Variants in SP140 observed in about 807,000 individuals in gnomAD.
SP140 encodes the protein SP140 nuclear body protein.
A neutral mutation model predicts 125.0 loss-of-function variants in SP140; 81 were observed. That is an observed-to-expected ratio of 0.65 (90% CI 0.54 to 0.78). The LOEUF (loss-of-function observed/expected upper bound fraction) is 0.78. Among genes scored for constraint, SP140 ranks in the 30% least tolerant of loss-of-function variants. The pLI is 0.00. For missense variants in SP140, 858 were observed against 1,037.0 expected (o/e 0.83, Z 2.37); for synonymous variants, 312 against 354.0 (o/e 0.88, Z 1.33).
intron 1 of SP140, among the ~76,000 whole-genome samples, chr2:230,208,386 T>C (rs1209120511): frequency 6.6e-6 from 1 of 152,218 alleles, no homozygotes; most frequent in Non-Finnish European, 1.5e-5. Context: ...ATACATGTAA[T>C]GCAGATTCTT....
chr2:230,287,543 A>G (rs920477929), intron 17 of SP140, among the ~76,000 whole-genome samples: 14 of 152,200 alleles, frequency 9.2e-5, no homozygotes. Context: ...GTAAGTGTTT[A>G]ATGTGTATTA....
intron 16 of SP140, among the ~76,000 whole-genome samples, chr2:230,285,330 A>C (rs2056231428): frequency 6.6e-6 from 1 of 152,156 alleles, no homozygotes; most frequent in Admixed American, 6.6e-5. Flanking sequence ...AAGATTTTAG[A>C]GTCCTATTGA....
chr2:230,266,410 G>A (rs2053132507), intron 12 of SP140, among the ~76,000 whole-genome samples: 1 of 152,204 alleles, frequency 6.6e-6, no homozygotes, highest in Admixed American at 6.5e-5. Context: ...GCAGGTATGA[G>A]CTTTGTATCC....
At position 230,241,395 on chromosome 2, in the gene SP140, T is replaced by G; in HGVS notation, c.407-9T>G. The stretch of plus-strand genomic sequence containing the variant: ...CTGAGTTTGGTAATTTTCACATTGT[T>G]TTCCTCAGTATGCTATGAACACTCA... On this transcript the variant is annotated splice_polypyrimidine_tract_variant and intron_variant, in intron 3 of 26. Coordinates refer to ENST00000392045, the MANE Select transcript of SP140 (RefSeq NM_007237.5). The G allele has an allele frequency of 6.4e-7, 1 of 1,557,460 alleles. No individual in the cohort carries two copies. The highest frequency in any genetic ancestry group is 8.9e-7 in the Non-Finnish European group (1 of 1,128,578).
At chr2:230,287,344 C>A (rs1273205080) in intron 17 of SP140, among the ~76,000 whole-genome samples, 1 of 152,196 alleles carries the variant, frequency 6.6e-6, no homozygotes, top group Admixed American at 6.5e-5. Context: ...TACATCTCAC[C>A]TATGGGACAC....
intron 8 of SP140, among the ~76,000 whole-genome samples, chr2:230,248,530 G>A (rs1161674143): frequency 6.6e-6 from 1 of 152,156 alleles, no homozygotes; most frequent in Non-Finnish European, 1.5e-5. Flanking sequence ...AATAGAGCCT[G>A]CCCTTTGGAA....
chr2:230,239,439 G>A (rs1207140334), intron 3 of SP140, among the ~76,000 whole-genome samples: 1 of 151,992 alleles, frequency 6.6e-6, no homozygotes, highest in African/African-American at 2.4e-5. Flanking sequence ...TTTAATTTTT[G>A]TATTGTTATT....
chr2:230,290,423 G>T (rs767643859), intron 18 of SP140, 37 bp from the exon 19 acceptor site: 6 of 1,599,648 alleles, frequency 3.8e-6, no homozygotes, highest in Middle Eastern at 1.7e-4. Context: ...ACGTGCCTTT[G>T]CAAAGTGAGA....
upstream of SP140, chr2:230,221,841 T>G (rs1464356799): frequency 9.9e-7 from 1 of 1,008,300 alleles, no homozygotes; most frequent in African/African-American, 1.6e-5. Context: ...AAAGCAGGAG[T>G]GGGAAAATAA....
At chr2:230,308,877 A>G (rs2059066283) in intron 22 of SP140, among the ~76,000 whole-genome samples, 1 of 152,230 alleles carries the variant, frequency 6.6e-6, no homozygotes, top group African/African-American at 2.4e-5. Flanking sequence ...CTCTAATTTT[A>G]GTCCTTACAG....
At chr2:230,214,547 T>G (rs2148936926) in intron 3 of SP140, among the ~76,000 whole-genome samples, 2 of 152,354 alleles carry the variant, frequency 1.3e-5, no homozygotes, top group East Asian at 3.9e-4. Context: ...GTGTTTGCGA[T>G]AAGGCACCAA....
chr2:230,253,264 T>C, intron 10 of SP140, 52 bp from the exon 11 acceptor site: 3 of 1,305,172 alleles, frequency 2.3e-6, no homozygotes, highest in Non-Finnish European at 3.3e-6. Flanking sequence ...CCATCTTGGA[T>C]GGCGTGAATG....
Position 230,216,842 on chromosome 2 carries a change from T to A in SP140, c.-91+2768T>A, listed in dbSNP as rs756746930. 16 of 1,614,096 alleles carry A rather than the reference T, an allele frequency of 9.9e-6. No homozygotes were observed. The Admixed American group carries it at 2.5e-4, about 25-fold the overall frequency. ...GAGGCCTTCAAAGAAGGGAAATGGC[T>A]TGTGTATGGCATAGGCGATCCCCAG... is the stretch of plus-strand genomic sequence containing the variant. On this transcript the variant is annotated intron_variant, in intron 3 of 4. Transcript: ENST00000456542.
At chr2:230,253,552 T>A in intron 11 of SP140, 135 bp downstream of exon 11, 1 of 682,902 alleles carries the variant, frequency 1.5e-6, no homozygotes, top group Non-Finnish European at 2.5e-6. Context: ...ATTATGTCAA[T>A]TTTCTGTTGG....
chr2:230,283,294 A>G (rs11689231), intron 15 of SP140, among the ~76,000 whole-genome samples: 24,691 of 152,238 alleles, frequency 0.16, 2,448 homozygotes, highest in South Asian at 0.24. Context: ...TCACTGCTGC[A>G]AAATCTGCTA....
chr2:230,196,129 C>A, the SP140 span, among the ~76,000 whole-genome samples: 1 of 152,070 alleles, frequency 6.6e-6, no homozygotes, highest in Non-Finnish European at 1.5e-5. Flanking sequence ...GAATATAAAT[C>A]ATTATGTTTT....
intron 15 of SP140, among the ~76,000 whole-genome samples, chr2:230,278,386 T>C (rs2055035358): frequency 6.6e-6 from 1 of 152,084 alleles, no homozygotes; most frequent in Non-Finnish European, 1.5e-5. Flanking sequence ...GTTCCTTATA[T>C]ATATTTAGGT....
intron 1 of SP140, among the ~76,000 whole-genome samples, chr2:230,232,947 A>T (rs2047462997): frequency 6.6e-6 from 1 of 152,166 alleles, no homozygotes; most frequent in Admixed American, 6.5e-5. Context: ...AATGAAACTT[A>T]TCCATCTTTT....
At chr2:230,314,105 G>A (rs2059463231), downstream of SP140, among the ~76,000 whole-genome samples, 2 of 152,148 alleles carry the variant, frequency 1.3e-5, no homozygotes, top group South Asian at 4.1e-4. Context: ...AGCTCAGGAT[G>A]GTCTCTTATG....
Sources: allele counts gnomAD v4.1 joint callset (sites outside exome capture counted in the v4.1 genomes callset), GRCh38; gene constraint gnomAD v4.1.1; transcripts MANE v1.5; gene names NCBI Gene and HGNC (gene_info 2026-07-23, HGNC 2026-07-21).